PCDHGA1: variants seen among roughly 807,000 people sequenced by gnomAD.
The protein encoded by PCDHGA1 is protocadherin gamma subfamily A, 1.
PCDHGA1 carries 32 observed loss-of-function variants against 58.0 expected under a neutral mutation model. The observed-to-expected ratio is 0.55, with a 90% CI of 0.42 to 0.74. The LOEUF (loss-of-function observed/expected upper bound fraction) is 0.74, where lower values mean the gene tolerates loss of function less well. Ranked by LOEUF, PCDHGA1 falls within the 30% of genes least tolerant of loss-of-function variation. The pLI, the probability that PCDHGA1 is intolerant of heterozygous loss-of-function variation, is 0.00. For synonymous variants in PCDHGA1, 498 were observed against 501.1 expected (o/e 0.99, Z 0.08); for missense variants, 1,205 against 1,182.3 (o/e 1.02, Z -0.28).
Position 141,331,133 on chromosome 5 carries a change from C to A in PCDHGA1, c.449C>A (p.Thr150Asn). The A allele has an allele frequency of 6.2e-7, 1 of 1,614,118 alleles. No homozygotes were observed. Among genetic ancestry groups the A allele is most frequent in the Non-Finnish European group, 8.5e-7 (1 of 1,180,030 alleles). Residue 150 changes from threonine to asparagine, a missense_variant, in exon 1 of 4, where the codon ACC becomes AAC. By Grantham distance (65) the Thr-to-Asn change is moderately conservative. Transcript: ENST00000517417. ...ATGAATGAAATAACGACTCCAGGTACCAGAGTCTCATTGCCTTTTGGGCAA... is the reference window on the plus strand; with the variant it reads ...ATGAATGAAATAACGACTCCAGGTAACAGAGTCTCATTGCCTTTTGGGCAA... The part of the protein sequence containing the change: ...FKMNEITTPG[T>N]RVSLPFGQDL...
Position 141,485,175 on chromosome 5 carries a change from T to C in PCDHGA1, c.2422-9632T>C, listed in dbSNP as rs2099608731. ...GTAGAGAATTAGCGGGCGGCAGCAA[T>C]GCTCCGCAAGGTGAGAAGCTGGACA... On this transcript the variant is annotated intron_variant, in intron 1 of 3. Coordinates refer to ENST00000517417, the MANE Select transcript of PCDHGA1 (RefSeq NM_018912.3). The surrounding 1 kb of genome is among the most constrained non-coding windows in gnomAD (Gnocchi z 5.7). 6.2e-7 allele frequency: 1 copy of C among 1,611,486 alleles called. No homozygotes were observed. Among genetic ancestry groups the C allele is most frequent in the Non-Finnish European group, 8.5e-7 (1 of 1,177,998 alleles).
At chr5:141,417,538 A>G (rs2154547037) in intron 1 of PCDHGA1, 2 of 297,748 alleles carry the variant, frequency 6.7e-6, no homozygotes, top group East Asian at 6.0e-5. Flanking sequence ...AGTTTAAAAA[A>G]AATTCCTTGA....
chr5:141,361,660 G>C (rs768286784), intron 1 of PCDHGA1: 22 of 1,613,628 alleles, frequency 1.4e-5, no homozygotes, highest in South Asian at 3.3e-5. Flanking sequence ...GTCCGTGAGC[G>C]CGCAGAGCGG....
chr5:141,350,807 C>T (rs541672672), intron 1 of PCDHGA1: 2 of 1,613,974 alleles, frequency 1.2e-6, no homozygotes, highest in East Asian at 2.2e-5. Flanking sequence ...GAAGGAAAGT[C>T]CTGATGGAAG....
In PCDHGA1 at chr5:141,356,748, T is replaced by C. The variant is rs1178613411; in HGVS notation, c.2421+23643T>C. On this transcript the variant is annotated intron_variant, in intron 1 of 3. Transcript: ENST00000517417. Reference sequence around the variant, plus strand: ...ACTCCAATACAGGGATCCTATATGCTCTTTGCTCCTTCGACTATGAGCAGT... The same window carrying C: ...ACTCCAATACAGGGATCCTATATGCCCTTTGCTCCTTCGACTATGAGCAGT... 3.1e-6 allele frequency: 5 copies of C among 1,613,836 alleles called. No individual in the cohort carries two copies. In the African/African-American group the frequency reaches 6.7e-5, roughly 22 times the overall value.
intron 1 of PCDHGA1, chr5:141,340,131 C>T: frequency 6.2e-7 from 1 of 1,614,156 alleles, no homozygotes; most frequent in Non-Finnish European, 8.5e-7. Context: ...TGTTCACTCC[C>T]CGAGGATCTT....
chr5:141,346,128 G>T, intron 1 of PCDHGA1: 1 of 1,613,952 alleles, frequency 6.2e-7, no homozygotes, highest in East Asian at 2.2e-5. Flanking sequence ...GGCGGTGGCC[G>T]CGGTCTCCTG....
chr5:141,398,654 C>G, intron 1 of PCDHGA1: 1 of 1,613,998 alleles, frequency 6.2e-7, no homozygotes, highest in South Asian at 1.1e-5. Context: ...TCTCTTAACC[C>G]AAGTTTCTCA....
chr5:141,456,973 A>G (rs1276476368), intron 1 of PCDHGA1, among the ~76,000 whole-genome samples: 2 of 147,412 alleles, frequency 1.4e-5, no homozygotes, highest in Admixed American at 6.7e-5. Flanking sequence ...AAAACAAAAC[A>G]AACAAACAAA....
intron 1 of PCDHGA1, chr5:141,394,604 C>G: frequency 6.2e-7 from 1 of 1,613,590 alleles, no homozygotes. Context: ...TGGACAGAGA[C>G]TCGGGCCAGA....
At chr5:141,346,508 T>C in intron 1 of PCDHGA1, 2 of 1,608,490 alleles carry the variant, frequency 1.2e-6, no homozygotes, top group Non-Finnish European at 1.7e-6. Flanking sequence ...AGAATGTGGT[T>C]ATTATAAAGC....
At chr5:141,379,080 G>C (rs1467577464) in intron 1 of PCDHGA1, 1 of 152,176 alleles carries the variant, frequency 6.6e-6, no homozygotes, top group Non-Finnish European at 1.5e-5. Flanking sequence ...ATCTGAATTT[G>C]TTATGAATGT....
Position 141,476,610 on chromosome 5 carries a change from G to A in PCDHGA1, c.2422-18197G>A, listed in dbSNP as rs769858609. ...GAGAGCGCGCACGATCCCGATGTGGGAAGCAACTCTTTACAAACCTATGAG... is the reference window on the plus strand; with the variant it reads ...GAGAGCGCGCACGATCCCGATGTGGAAAGCAACTCTTTACAAACCTATGAG... On this transcript the variant is annotated intron_variant, in intron 1 of 3. Coordinates refer to ENST00000517417, the MANE Select transcript of PCDHGA1 (RefSeq NM_018912.3). The surrounding 1 kb of genome is among the most constrained non-coding windows in gnomAD (Gnocchi z 7.6). The A allele has an allele frequency of 1.2e-6, 2 of 1,614,262 alleles. No homozygotes were observed. The highest frequency in any genetic ancestry group is 3.3e-5 in the Admixed American group (2 of 60,036).
In PCDHGA1 at chr5:141,483,740, A is replaced by T. The variant is rs2099586227; in HGVS notation, c.2422-11067A>T. Among the ~76,000 whole-genome samples, 4 of 152,148 alleles carry T rather than the reference A, an allele frequency of 2.6e-5. No homozygotes were observed. The South Asian group carries it at 8.3e-4, about 32-fold the overall frequency. ...TGGTTCCCACCATAGTCAAAAGGATATTCCTGAGGATCGAGGCTTGGAAAA... is the reference window on the plus strand; with the variant it reads ...TGGTTCCCACCATAGTCAAAAGGATTTTCCTGAGGATCGAGGCTTGGAAAA... On this transcript the variant is annotated intron_variant, in intron 1 of 3. Transcript: ENST00000517417.
intron 1 of PCDHGA1, chr5:141,389,721 G>A (rs1477842058): frequency 2.5e-6 from 4 of 1,612,502 alleles, no homozygotes; most frequent in Non-Finnish European, 1.7e-6. Context: ...TAGCGAGCCC[G>A]GGCTCTTCAG....
chr5:141,361,122 C>A, intron 1 of PCDHGA1: 1 of 1,613,946 alleles, frequency 6.2e-7, no homozygotes, highest in Non-Finnish European at 8.5e-7. Context: ...ATCTAGCAGC[C>A]CACTGCAGTA....
chr5:141,374,117 G>A (rs750762308), intron 1 of PCDHGA1: 9 of 1,587,566 alleles, frequency 5.7e-6, no homozygotes, highest in Non-Finnish European at 7.7e-6. Context: ...GCAGCGCAGC[G>A]AGCAGGTCCT....
At position 141,332,320 on chromosome 5, in the gene PCDHGA1, G is replaced by A; in HGVS notation, c.1636G>A (p.Val546Met). Residue 546 changes from valine to methionine, a missense_variant, in exon 1 of 4, where the codon GTG (valine) becomes ATG (methionine). Physicochemically the swap from Val to Met is conservative, Grantham distance 21. Transcript: ENST00000517417. The surrounding 1 kb of genome is among the most constrained non-coding windows in gnomAD (Gnocchi z 4.6). ...TGGGGATCCGCCCCTCAGCAGCAACGTGTCTCTCAGCCTATTCCTGCTGGA... is the reference window on the plus strand; with the variant it reads ...TGGGGATCCGCCCCTCAGCAGCAACATGTCTCTCAGCCTATTCCTGCTGGA... Reference protein sequence around the residue: ...DSGDPPLSSNVSLSLFLLDQN... With the variant: ...DSGDPPLSSNMSLSLFLLDQN... 1 of 1,614,170 alleles carries A rather than the reference G, an allele frequency of 6.2e-7. No individual in the cohort carries two copies. Among genetic ancestry groups the A allele is most frequent in the Non-Finnish European group, 8.5e-7 (1 of 1,180,026 alleles).
chr5:141,374,296 G>A, intron 1 of PCDHGA1: 3 of 1,613,974 alleles, frequency 1.9e-6, no homozygotes, highest in Non-Finnish European at 2.5e-6. Flanking sequence ...CCAGAGGTAG[G>A]ATGCAGCTTT....
Sources: allele counts gnomAD v4.1 joint callset (sites outside exome capture counted in the v4.1 genomes callset), GRCh38; gene constraint gnomAD v4.1.1; non-coding constraint Gnocchi (gnomAD v3.1); transcripts MANE v1.5; gene names NCBI Gene and HGNC (gene_info 2026-07-23, HGNC 2026-07-21).